The following NEDD4L variants were observed in gnomAD, a reference collection of about 807,000 sequenced individuals.
The protein encoded by NEDD4L is E3 ubiquitin-protein ligase NEDD4-like.
A neutral mutation model predicts 148.9 loss-of-function variants in NEDD4L; 54 were observed. The ratio of observed to expected loss-of-function variants is 0.36; its 90% confidence interval spans 0.29 to 0.45. The LOEUF (loss-of-function observed/expected upper bound fraction) is 0.45. NEDD4L is among the 20% of genes least tolerant of loss of function. The probability of loss-of-function intolerance (pLI) is 1.00; values close to 1 mark genes in which losing one functional copy is unlikely to be tolerated. For missense variants in NEDD4L, 856 were observed against 1,233.8 expected (o/e 0.69, Z 4.59); for synonymous variants, 433 against 440.7 (o/e 0.98, Z 0.22).
chr18:58,225,081 C>A (rs1365955758), intron 2 of NEDD4L, among the ~76,000 whole-genome samples: 1 of 151,944 alleles, frequency 6.6e-6, no homozygotes, highest in Non-Finnish European at 1.5e-5. Flanking sequence ...AAAAAAGTCA[C>A]TTAGCTTGAA....
chr18:58,231,811 G>A (rs190443078), intron 2 of NEDD4L, among the ~76,000 whole-genome samples: 2 of 152,160 alleles, frequency 1.3e-5, no homozygotes, highest in Non-Finnish European at 1.5e-5. Flanking sequence ...TGATCCACTT[G>A]CCTTGGCCTC....
At position 58,343,027 on chromosome 18, in the gene NEDD4L, C is replaced by T. The variant is rs1347015954; in HGVS notation, c.1499C>T (p.Pro500Leu). Residue 500 changes from proline to leucine, a missense_variant, in exon 16 of 31, where the codon CCA becomes CTA. Pro to Leu is a moderately conservative substitution (Grantham distance 98). Transcript: ENST00000400345. ...CACAAAGTCACACAGAGCTTCTTGC[C>T]ACCCGGCTGGGAAATGAGGATAGCG... ...PQHKVTQSFL[P>L]PGWEMRIAPN... The T allele has an allele frequency of 3.1e-6, 5 of 1,613,654 alleles. No homozygotes were observed. The South Asian group carries it at 5.5e-5, about 18-fold the overall frequency.
At position 58,044,413 on chromosome 18, in the gene NEDD4L, G is replaced by C. The variant is rs1281066357; in HGVS notation, c.-248G>C. 1 of 289,620 alleles carries C rather than the reference G, an allele frequency of 3.5e-6. No individual in the cohort carries two copies. Among genetic ancestry groups the C allele is most frequent in the Non-Finnish European group, 6.1e-6 (1 of 164,082 alleles). The allele number at this position is 289,620 out of a possible 1,614,324, so 17.9% of individuals were successfully genotyped here. ...AGAGGCGCCGGGGCTGCCGCCCGGT[G>C]CTCGGCGCGCTCTCGGGAGCCGCCC... On this transcript the variant is annotated 5_prime_UTR_variant, in exon 1 of 31. Coordinates refer to ENST00000400345, the MANE Select transcript of NEDD4L (RefSeq NM_001144967.3).
chr18:58,367,956 A>G, intron 22 of NEDD4L, 89 bp downstream of exon 22: 2 of 1,359,704 alleles, frequency 1.5e-6, no homozygotes, highest in Non-Finnish European at 1.0e-6. Context: ...TTTTAAGCAA[A>G]AGCTTCACTG....
At chr18:58,188,214 C>T (rs550141064) in intron 2 of NEDD4L, among the ~76,000 whole-genome samples, 46 of 152,342 alleles carry the variant, frequency 3.0e-4, no homozygotes, top group African/African-American at 1.1e-3. Context: ...CTCCTTTCAT[C>T]AGACACCTCT....
chr18:58,216,739 TG>T (rs1222175591), intron 2 of NEDD4L, among the ~76,000 whole-genome samples: 1 of 151,954 alleles, frequency 6.6e-6, no homozygotes, highest in Non-Finnish European at 1.5e-5. Flanking sequence ...GATCTCCAAG[TG>T]GATGTGTGAA....
At chr18:58,255,727 C>A (rs193257974) in intron 5 of NEDD4L, 2 of 1,232,418 alleles carry the variant, frequency 1.6e-6, no homozygotes, top group Non-Finnish European at 2.0e-6. Flanking sequence ...AGAGAGAAGA[C>A]GACTTCTTCA....
chr18:58,272,401 C>T (rs1211324133), intron 5 of NEDD4L, among the ~76,000 whole-genome samples: 1 of 152,048 alleles, frequency 6.6e-6, no homozygotes, highest in African/African-American at 2.4e-5. Context: ...TTTGAGAGGC[C>T]GAGGCAGATA....
At chr18:58,395,416 C>T (rs1054496831) in intron 30 of NEDD4L, among the ~76,000 whole-genome samples, 1 of 152,146 alleles carries the variant, frequency 6.6e-6, no homozygotes, top group African/African-American at 2.4e-5. Flanking sequence ...GTGCAGTTTC[C>T]CCATGTCACA....
chr18:58,184,496 A>G (rs1599467800), intron 2 of NEDD4L, among the ~76,000 whole-genome samples: 1 of 151,836 alleles, frequency 6.6e-6, no homozygotes, highest in South Asian at 2.1e-4. Context: ...TTATTATCCT[A>G]CCTCCTAAGC....
intron 1 of NEDD4L, among the ~76,000 whole-genome samples, chr18:58,070,782 C>T (rs993590366): frequency 8.1e-6 from 1 of 122,882 alleles, no homozygotes; most frequent in African/African-American, 3.1e-5. Flanking sequence ...AAGGAAATCT[C>T]TGTGTAGTTA....
intron 5 of NEDD4L, among the ~76,000 whole-genome samples, chr18:58,294,443 A>G (rs925610056): frequency 2.6e-5 from 4 of 152,210 alleles, no homozygotes; most frequent in Admixed American, 1.3e-4. Flanking sequence ...GTTCACACAC[A>G]TTTCTTAGGA....
At chr18:58,339,619 C>T (rs538902791) in intron 13 of NEDD4L, among the ~76,000 whole-genome samples, 1 of 152,168 alleles carries the variant, frequency 6.6e-6, no homozygotes, top group African/African-American at 2.4e-5. Flanking sequence ...AAATGGTTTT[C>T]CTTAATATCA....
intron 6 of NEDD4L, 89 bp from the exon 7 acceptor site, chr18:58,322,336 A>G: frequency 1.0e-6 from 1 of 953,080 alleles, no homozygotes; most frequent in Non-Finnish European, 1.7e-6. Flanking sequence ...CTAAAATTCA[A>G]AATATATTCT....
At chr18:58,082,079 A>AATATATACACACACACAT (rs1378443130) in intron 1 of NEDD4L, among the ~76,000 whole-genome samples, 4 of 89,980 alleles carry the variant, frequency 4.4e-5, no homozygotes, top group African/African-American at 2.3e-4. Context: ...CTTTCTGATG[A>AATATATACACACACACAT]ATATATATAT....
chr18:58,155,641 C>A (rs1006500940), intron 1 of NEDD4L, among the ~76,000 whole-genome samples: 2 of 152,122 alleles, frequency 1.3e-5, no homozygotes, highest in Non-Finnish European at 2.9e-5. Context: ...AAGATGAGGC[C>A]GGTGGCATGT....
At chr18:58,169,312 A>G (rs562764150) in intron 2 of NEDD4L, among the ~76,000 whole-genome samples, 5 of 152,334 alleles carry the variant, frequency 3.3e-5, no homozygotes, top group African/African-American at 1.2e-4. Context: ...GGAAACAGCA[A>G]TGGCAGAGAA....
intron 1 of NEDD4L, among the ~76,000 whole-genome samples, chr18:58,105,365 T>C (rs533589879): frequency 6.6e-6 from 1 of 152,254 alleles, no homozygotes; most frequent in East Asian, 1.9e-4. Context: ...GCATGACAGT[T>C]GGGTTAGTGT....
intron 1 of NEDD4L, among the ~76,000 whole-genome samples, chr18:58,132,606 AG>A (rs1465685411): frequency 1.3e-5 from 2 of 152,214 alleles, no homozygotes; most frequent in East Asian, 3.9e-4. Context: ...GCATAATAAT[AG>A]GACATAGAGT....
Sources: allele counts gnomAD v4.1 joint callset (sites outside exome capture counted in the v4.1 genomes callset), GRCh38; gene constraint gnomAD v4.1.1; transcripts MANE v1.5; gene names NCBI Gene and HGNC (gene_info 2026-07-23, HGNC 2026-07-21).